The following CDH13 variants were observed in gnomAD, a reference collection of about 807,000 sequenced individuals.
CDH13 encodes cadherin-13.
In CDH13, 24 loss-of-function variants were observed where a neutral mutation model predicts 63.8. The observed-to-expected ratio is 0.38, with a 90% CI of 0.27 to 0.53. The LOEUF (loss-of-function observed/expected upper bound fraction) is 0.53, where lower values mean the gene tolerates loss of function less well. Ranked by LOEUF, CDH13 falls within the 20% of genes least tolerant of loss-of-function variation. The pLI is 0.85. For synonymous variants in CDH13, 503 were observed against 355.3 expected (o/e 1.42, Z -4.67); for missense variants, 1,049 against 903.1 (o/e 1.16, Z -2.07).
chr16:83,256,931 G>C (rs35048356), intron 5 of CDH13, among the ~76,000 whole-genome samples: 1 of 151,232 alleles, frequency 6.6e-6, no homozygotes, highest in African/African-American at 2.4e-5. Context: ...ACAAATATTA[G>C]AATTTGTTGC....
intron 11 of CDH13, among the ~76,000 whole-genome samples, chr16:83,771,534 C>G (rs560784696): frequency 8.1e-4 from 124 of 152,296 alleles, no homozygotes; most frequent in African/African-American, 2.7e-3. Context: ...GTCCATGAAG[C>G]AAAAGCACCG....
At chr16:83,227,346 T>A (rs1009609248) in intron 5 of CDH13, among the ~76,000 whole-genome samples, 6 of 152,144 alleles carry the variant, frequency 3.9e-5, no homozygotes, top group Non-Finnish European at 8.8e-5. Flanking sequence ...GCAGCAGCAG[T>A]TGGCACATGG....
At chr16:83,130,537 A>G (rs2151654006) in intron 4 of CDH13, among the ~76,000 whole-genome samples, 1 of 152,366 alleles carries the variant, frequency 6.6e-6, no homozygotes, top group South Asian at 2.1e-4. Flanking sequence ...ATAGATCGAT[A>G]TCTGATATGT....
At chr16:83,751,432 TA>T (rs370472634) in intron 11 of CDH13, among the ~76,000 whole-genome samples, 2,030 of 147,908 alleles carry the variant, frequency 0.014, 18 homozygotes, top group Non-Finnish European at 0.018. Context: ...CCATCTCTAC[TA>T]AAAAAAAAAT....
chr16:83,036,648 G>A (rs925519041), intron 3 of CDH13, among the ~76,000 whole-genome samples: 3 of 152,212 alleles, frequency 2.0e-5, no homozygotes, highest in African/African-American at 7.2e-5. Flanking sequence ...GAACACTCCT[G>A]TGGCTGCCTG....
intron 6 of CDH13, among the ~76,000 whole-genome samples, chr16:83,407,936 G>T (rs1048874356): frequency 6.6e-6 from 1 of 152,096 alleles, no homozygotes; most frequent in African/African-American, 2.4e-5. Context: ...TTCTTTGGGG[G>T]TTCTCATTTT....
rs1182804681 is a variant in CDH13, at chr16:82,891,281, T to G, written c.157+32808T>G. Among the ~76,000 whole-genome samples the G allele has an allele frequency of 2.6e-5, 4 of 152,022 alleles. No individual in the cohort carries two copies. In the East Asian group the frequency reaches 7.8e-4, roughly 29 times the overall value. On this transcript the variant is annotated intron_variant, in intron 2 of 13. Coordinates refer to ENST00000567109, the MANE Select transcript of CDH13 (RefSeq NM_001257.5). ...CTTAATTTCCTGGGTAGTGAAGAGG[T>G]CCTCTAAGAAAGAAGCAGATTTCGT...
intron 4 of CDH13, among the ~76,000 whole-genome samples, chr16:83,167,287 A>G (rs933920335): frequency 2.0e-4 from 30 of 151,844 alleles, no homozygotes; most frequent in Admixed American, 1.4e-3. Flanking sequence ...ACTTGAGGTC[A>G]GGAGTTTGAG....
intron 7 of CDH13, among the ~76,000 whole-genome samples, chr16:83,498,074 G>C (rs1453165415): frequency 6.6e-6 from 1 of 152,152 alleles, no homozygotes; most frequent in East Asian, 1.9e-4. Context: ...AACAGAAAAA[G>C]AGTAAACGAA....
intron 7 of CDH13, among the ~76,000 whole-genome samples, chr16:83,532,753 C>G (rs1179340620): frequency 6.6e-6 from 1 of 152,166 alleles, no homozygotes; most frequent in Admixed American, 6.5e-5. Flanking sequence ...CTGGTCCGGA[C>G]TTGAGCGATC....
intron 6 of CDH13, among the ~76,000 whole-genome samples, chr16:83,367,159 A>G (rs1333756577): frequency 2.0e-5 from 3 of 152,206 alleles, no homozygotes; most frequent in South Asian, 4.1e-4. Context: ...TAGACAACCA[A>G]TGATCCACTT....
chr16:82,975,426 G>A (rs952842219), intron 2 of CDH13, among the ~76,000 whole-genome samples: 8 of 152,172 alleles, frequency 5.3e-5, no homozygotes, highest in Non-Finnish European at 8.8e-5. Flanking sequence ...TGCAGCTGCC[G>A]TGTGACCCTA....
At position 83,398,442 on chromosome 16, in the gene CDH13, A is replaced by C. The variant is rs139122120; in HGVS notation, c.781+53436A>C. ...AATGTCCCTCTGCCTTTCTGTTACA[A>C]AGACATTTGCTATTGGATTTAGGAC... is the stretch of plus-strand genomic sequence containing the variant. On this transcript the variant is annotated intron_variant, in intron 6 of 13. Transcript: ENST00000567109. Among the ~76,000 whole-genome samples, 249 of 152,206 alleles carry C rather than the reference A, an allele frequency of 1.6e-3. 6 individuals are homozygous for C. The East Asian group carries it at 0.047, about 29-fold the overall frequency.
At chr16:83,407,356 C>T (rs2092063400) in intron 6 of CDH13, among the ~76,000 whole-genome samples, 2 of 152,190 alleles carry the variant, frequency 1.3e-5, no homozygotes, top group Non-Finnish European at 1.5e-5. Context: ...TTATTAGGCT[C>T]CTGCTATATG....
rs1165979783 is a variant in CDH13, at chr16:83,643,304, A to AAAG, written c.1102-27484_1102-27483insGAA. 3.4e-5 allele frequency among the ~76,000 whole-genome samples: 5 copies of AAAG among 146,406 alleles called. 1 individual carries two copies. The highest frequency in any genetic ancestry group is 6.8e-5 in the Admixed American group (1 of 14,792). ...ATAATAAAAAAAAAAAAAAAAAAGA[A>AAAG]AAAAAAAATTTAACAGATCTCTCCA... is the stretch of plus-strand genomic sequence containing the variant. On this transcript the variant is annotated intron_variant, in intron 8 of 13. Coordinates refer to ENST00000567109, the MANE Select transcript of CDH13 (RefSeq NM_001257.5).
intron 6 of CDH13, among the ~76,000 whole-genome samples, chr16:83,412,978 G>C (rs1479536331): frequency 1.3e-5 from 2 of 152,158 alleles, no homozygotes; most frequent in South Asian, 2.1e-4. Flanking sequence ...TTATAAACCT[G>C]TCATCATAAC....
intron 2 of CDH13, among the ~76,000 whole-genome samples, chr16:83,016,711 C>G (rs1393961315): frequency 6.6e-6 from 1 of 152,042 alleles, no homozygotes; most frequent in Non-Finnish European, 1.5e-5. Context: ...AGAAACATTT[C>G]TGGACCCTGT....
intron 1 of CDH13, among the ~76,000 whole-genome samples, chr16:82,841,979 G>A (rs1003829527): frequency 1.3e-5 from 2 of 150,850 alleles, no homozygotes; most frequent in African/African-American, 2.4e-5. Flanking sequence ...TATTTCTTGG[G>A]GAGCTGGTCA....
At chr16:83,382,446 C>T (rs1220798787) in intron 6 of CDH13, among the ~76,000 whole-genome samples, 1 of 152,054 alleles carries the variant, frequency 6.6e-6, no homozygotes. Context: ...CATGCTGATC[C>T]CCAGCTATTC....
Sources: allele counts gnomAD v4.1 joint callset (sites outside exome capture counted in the v4.1 genomes callset), GRCh38; gene constraint gnomAD v4.1.1; transcripts MANE v1.5; gene names NCBI Gene and HGNC (gene_info 2026-07-23, HGNC 2026-07-21).